The following AKAP6 variants were observed in gnomAD, a reference collection of about 807,000 sequenced individuals.
AKAP6 encodes the protein A-kinase anchor protein 6.
In AKAP6, 58 loss-of-function variants were observed where a neutral mutation model predicts 188.5. The ratio of observed to expected loss-of-function variants is 0.31; its 90% CI spans 0.25 to 0.38. The LOEUF is 0.38. Ranked by LOEUF, AKAP6 falls within the 10% of genes least tolerant of loss-of-function variation. The pLI, the probability that AKAP6 is intolerant of heterozygous loss-of-function variation, is 1.00. For synonymous variants in AKAP6, 989 were observed against 998.6 expected (o/e 0.99, Z 0.18); for missense variants, 2,710 against 2,740.0 (o/e 0.99, Z 0.24).
intron 2 of AKAP6, among the ~76,000 whole-genome samples, chr14:32,531,254 T>C (rs573147450): frequency 5.9e-5 from 9 of 152,214 alleles, no homozygotes; most frequent in South Asian, 4.1e-4. Context: ...TTAACCATTG[T>C]CATTTGTGTT....
intron 10 of AKAP6, chr14:32,733,149 CAA>C (rs76475559): frequency 2.0e-4 from 28 of 138,314 alleles, no homozygotes; most frequent in South Asian, 4.6e-4. Context: ...TAACAAAAGC[CAA>C]AAAAAAAAAA....
chr14:32,467,034 C>T (rs1428415131), intron 2 of AKAP6, among the ~76,000 whole-genome samples: 2 of 150,936 alleles, frequency 1.3e-5, no homozygotes, highest in African/African-American at 2.4e-5. Context: ...ACAATAGACA[C>T]CAGAGCCTAC....
intron 12 of AKAP6, among the ~76,000 whole-genome samples, chr14:32,804,531 T>C (rs2034038456): frequency 6.6e-6 from 1 of 152,214 alleles, no homozygotes; most frequent in Non-Finnish European, 1.5e-5. Flanking sequence ...AAAGATCACA[T>C]GCTTCTGAGG....
chr14:32,586,083 C>T (rs1472760501), intron 5 of AKAP6, among the ~76,000 whole-genome samples: 5 of 151,970 alleles, frequency 3.3e-5, no homozygotes, highest in Non-Finnish European at 5.9e-5. Flanking sequence ...GGATGAGGTT[C>T]GTGGCTTAGG....
In AKAP6 at chr14:32,794,867, T is replaced by A. The variant is rs187895848; in HGVS notation, c.3588+20974T>A. On this transcript the variant is annotated intron_variant, in intron 12 of 13. Transcript: ENST00000280979. ...AGTGAATCCAAGAGCTATTTTTTTT[T>A]AAATTAACAAAAGAGACCACTAGCT... is the stretch of plus-strand genomic sequence containing the variant. Among the ~76,000 whole-genome samples the A allele has an allele frequency of 6.3e-4, 95 of 151,892 alleles. 1 individual carries two copies. In the East Asian group the frequency reaches 0.015, roughly 24 times the overall value.
intron 2 of AKAP6, among the ~76,000 whole-genome samples, chr14:32,535,290 G>A (rs1882622537): frequency 6.6e-6 from 1 of 152,192 alleles, no homozygotes; most frequent in Admixed American, 6.5e-5. Context: ...CACCTTGGCT[G>A]ACTTTCAATT....
chr14:32,424,371 C>T (rs1889959011), intron 1 of AKAP6, among the ~76,000 whole-genome samples: 1 of 151,968 alleles, frequency 6.6e-6, no homozygotes, highest in African/African-American at 2.4e-5. Context: ...TGCTGATTCT[C>T]CCAGCTTCTT....
At chr14:32,350,320 G>T (rs1025886270) in intron 1 of AKAP6, among the ~76,000 whole-genome samples, 2 of 152,136 alleles carry the variant, frequency 1.3e-5, no homozygotes, top group African/African-American at 4.8e-5. Flanking sequence ...CACCTCCATG[G>T]TATTCTTCTC....
chr14:32,432,924 C>T (rs758750961), intron 1 of AKAP6, among the ~76,000 whole-genome samples: 9 of 152,152 alleles, frequency 5.9e-5, no homozygotes, highest in Non-Finnish European at 8.8e-5. Flanking sequence ...CGTCCTCTAC[C>T]CGTCATACGC....
In AKAP6 at chr14:32,833,964, A is replaced by G. The variant is rs1332538076; in HGVS notation, c.*4159A>G. ...ATTTACTTCATCTCTGTATACACAC[A>G]CACTTTTTTGTATGATTAAATCATT... On this transcript the variant is annotated 3_prime_UTR_variant, in exon 14 of 14. Coordinates refer to ENST00000280979, the MANE Select transcript of AKAP6 (RefSeq NM_004274.5). 1 of 152,234 alleles carries G rather than the reference A, an allele frequency of 6.6e-6. No homozygotes were observed. Among genetic ancestry groups the G allele is most frequent in the Non-Finnish European group, 1.5e-5 (1 of 68,050 alleles). 9.4% of individuals were successfully genotyped at this position (152,234 alleles called of 1,614,324 possible).
chr14:32,579,640 C>G (rs1884877855), intron 5 of AKAP6, among the ~76,000 whole-genome samples: 1 of 152,210 alleles, frequency 6.6e-6, no homozygotes, highest in Non-Finnish European at 1.5e-5. Flanking sequence ...TTAGATACAG[C>G]CTGTGGCTCA....
intron 1 of AKAP6, among the ~76,000 whole-genome samples, chr14:32,356,729 T>C (rs66517744): frequency 0.32 from 47,896 of 151,800 alleles, 8,265 homozygotes; most frequent in African/African-American, 0.46. Flanking sequence ...TGCCTTCTGC[T>C]TGCACTACTT....
chr14:32,332,765 A>C (rs950069657), intron 1 of AKAP6, among the ~76,000 whole-genome samples: 3 of 152,116 alleles, frequency 2.0e-5, no homozygotes, highest in East Asian at 3.9e-4. Flanking sequence ...ATCTGAATCT[A>C]TCTCTTAGGT....
At chr14:32,637,205 G>A (rs988677915) in intron 7 of AKAP6, among the ~76,000 whole-genome samples, 1 of 152,108 alleles carries the variant, frequency 6.6e-6, no homozygotes, top group Admixed American at 6.6e-5. Flanking sequence ...ATAAATATTA[G>A]CTTATGATAT....
intron 1 of AKAP6, among the ~76,000 whole-genome samples, chr14:32,402,656 G>A (rs920124106): frequency 1.3e-5 from 2 of 151,864 alleles, no homozygotes; most frequent in Non-Finnish European, 2.9e-5. Flanking sequence ...ATCTTTTCTT[G>A]TATTATCCAC....
chr14:32,418,260 A>G (rs1594594075), intron 1 of AKAP6, among the ~76,000 whole-genome samples: 1 of 152,202 alleles, frequency 6.6e-6, no homozygotes, highest in Non-Finnish European at 1.5e-5. Flanking sequence ...AGCATAGGGG[A>G]CAATTACCTT....
At chr14:32,740,756 G>A (rs2031634355) in intron 11 of AKAP6, among the ~76,000 whole-genome samples, 1 of 152,004 alleles carries the variant, frequency 6.6e-6, no homozygotes, top group Non-Finnish European at 1.5e-5. Flanking sequence ...TTGGTACCAT[G>A]CTATTTGGTT....
intron 9 of AKAP6, among the ~76,000 whole-genome samples, chr14:32,727,900 G>A (rs1342883988): frequency 6.6e-6 from 1 of 152,178 alleles, no homozygotes; most frequent in Admixed American, 6.5e-5. Flanking sequence ...TCTTCTTGAA[G>A]TGTTGGTGGT....
intron 2 of AKAP6, among the ~76,000 whole-genome samples, chr14:32,456,234 C>A (rs578179694): frequency 6.6e-6 from 1 of 152,172 alleles, no homozygotes; most frequent in Admixed American, 6.5e-5. Context: ...AAGCAACATT[C>A]ACCATGGTTT....
Sources: gnomAD v4.1 joint callset for allele counts (sites outside exome capture counted in the v4.1 genomes callset) on GRCh38, gnomAD v4.1.1 for gene constraint, MANE v1.5 for transcripts, NCBI Gene and HGNC (gene_info 2026-07-23, HGNC 2026-07-21) for gene names.